Variants in CELF2 observed in about 807,000 individuals in gnomAD.
CELF2 encodes the protein CUG triplet repeat RNA-binding protein 2.
CELF2 carries 8 observed loss-of-function variants against 62.6 expected under a neutral mutation model. That is an observed-to-expected ratio of 0.13 (90% confidence interval 0.07 to 0.23). The LOEUF (loss-of-function observed/expected upper bound fraction) is 0.23. Ranked by LOEUF, CELF2 falls within the 10% of genes least tolerant of loss-of-function variation. The pLI, the probability that CELF2 is intolerant of heterozygous loss-of-function variation, is 1.00. For synonymous variants in CELF2, 258 were observed against 250.0 expected, an observed-to-expected ratio of 1.03 and a Z score of -0.30; for missense variants, 333 against 671.0, an observed-to-expected ratio of 0.50 and a Z score of 5.56.
the CELF2 span, among the ~76,000 whole-genome samples, chr10:10,492,122 G>C: frequency 2.0e-5 from 3 of 152,098 alleles, no homozygotes; most frequent in East Asian, 1.9e-4. Context: ...GGTGATGCCA[G>C]ATCACCAACA....
chr10:10,742,292 T>C, the CELF2 span, among the ~76,000 whole-genome samples: 2 of 152,180 alleles, frequency 1.3e-5, no homozygotes, highest in East Asian at 1.9e-4. Flanking sequence ...ACTTACTGTA[T>C]AGTCAAATTT....
At chr10:10,884,447 A>G (rs1184505848) in intron 1 of CELF2, among the ~76,000 whole-genome samples, 3 of 152,236 alleles carry the variant, frequency 2.0e-5, no homozygotes, top group Non-Finnish European at 4.4e-5. Flanking sequence ...AGGTCAAAGT[A>G]TGAGTTCACA....
At chr10:11,204,519 G>A (rs2059983724) in intron 2 of CELF2, among the ~76,000 whole-genome samples, 1 of 152,244 alleles carries the variant, frequency 6.6e-6, no homozygotes, top group Non-Finnish European at 1.5e-5. Flanking sequence ...GGAACCTCCG[G>A]TGCCTGGCAC....
the CELF2 span, among the ~76,000 whole-genome samples, chr10:10,713,558 A>G: frequency 6.6e-6 from 1 of 152,162 alleles, no homozygotes; most frequent in African/African-American, 2.4e-5. Flanking sequence ...ATCACCTACG[A>G]CCCTTCGGTG....
intron 1 of CELF2, among the ~76,000 whole-genome samples, chr10:11,154,030 A>G (rs1223129379): frequency 6.6e-6 from 1 of 152,224 alleles, no homozygotes; most frequent in African/African-American, 2.4e-5. Context: ...ACAGATATAT[A>G]AACACATGAT....
chr10:11,239,902 A>G (rs1041390007), intron 3 of CELF2, among the ~76,000 whole-genome samples: 1 of 152,142 alleles, frequency 6.6e-6, no homozygotes, highest in Non-Finnish European at 1.5e-5. Context: ...AAAATACAAA[A>G]AATTAGCCAG....
chr10:11,003,591 C>T (rs1564343501), upstream of CELF2, among the ~76,000 whole-genome samples: 1 of 152,112 alleles, frequency 6.6e-6, no homozygotes, highest in Non-Finnish European at 1.5e-5. The surrounding 1 kb of genome is among the most constrained non-coding windows in gnomAD (Gnocchi z 4.4). Flanking sequence ...TTGTTGCCCC[C>T]ATTTAACCGC....
chr10:11,070,708 C>T (rs953299705), intron 1 of CELF2, among the ~76,000 whole-genome samples: 3 of 152,056 alleles, frequency 2.0e-5, no homozygotes, highest in Non-Finnish European at 4.4e-5. Context: ...AGACGATGAG[C>T]TTGTGAAGGA....
chr10:10,774,561 G>T, the CELF2 span, among the ~76,000 whole-genome samples: 10 of 152,318 alleles, frequency 6.6e-5, 2 homozygotes, highest in East Asian at 1.9e-3. Context: ...TCTCGCTCCT[G>T]CCATGTGAGA....
chr10:10,794,092 G>A (rs2054002460), upstream of CELF2, among the ~76,000 whole-genome samples: 1 of 151,986 alleles, frequency 6.6e-6, no homozygotes, highest in Admixed American at 6.5e-5. Flanking sequence ...ATTTTATCTT[G>A]GAACCCTTGA....
intron 4 of CELF2, among the ~76,000 whole-genome samples, chr10:11,256,392 A>G (rs952689012): frequency 4.6e-5 from 7 of 152,186 alleles, no homozygotes; most frequent in Admixed American, 2.0e-4. Flanking sequence ...CTATTCGCTA[A>G]ATGAAAATGA....
the CELF2 span, among the ~76,000 whole-genome samples, chr10:10,481,019 C>T: frequency 5.3e-5 from 8 of 152,034 alleles, no homozygotes; most frequent in African/African-American, 1.9e-4. Context: ...GCCGAGATCG[C>T]ACCATTGAAC....
the CELF2 span, among the ~76,000 whole-genome samples, chr10:10,728,622 G>T: frequency 3.3e-5 from 5 of 152,068 alleles, no homozygotes; most frequent in African/African-American, 1.2e-4. Flanking sequence ...ATAGGAGAGG[G>T]TGGGGGACAG....
intron 2 of CELF2, among the ~76,000 whole-genome samples, chr10:10,937,126 T>C (rs1463322141): frequency 1.4e-5 from 2 of 138,404 alleles, no homozygotes; most frequent in Non-Finnish European, 3.1e-5. Context: ...CTTTTCTTTT[T>C]TTTTTTTTTT....
chr10:10,555,580 A>G, the CELF2 span, among the ~76,000 whole-genome samples: 1 of 152,212 alleles, frequency 6.6e-6, no homozygotes, highest in African/African-American at 2.4e-5. Context: ...CATAACCTAT[A>G]CATTAACATT....
chr10:11,119,645 CAAA>C (rs1220450931), intron 1 of CELF2, among the ~76,000 whole-genome samples: 6 of 151,934 alleles, frequency 3.9e-5, no homozygotes, highest in Non-Finnish European at 8.8e-5. Context: ...TTTTAAAAAT[CAAA>C]AACCCTAGGA....
intron 1 of CELF2, among the ~76,000 whole-genome samples, chr10:11,122,033 C>T (rs10490953): frequency 6.6e-6 from 1 of 152,168 alleles, no homozygotes; most frequent in Non-Finnish European, 1.5e-5. Flanking sequence ...CTGGAACGCT[C>T]CACACCCAGG....
chr10:11,191,878 C>T lies in CELF2; in HGVS notation c.272-25547C>T, dbSNP rs1032925777. On this transcript the variant is annotated intron_variant, in intron 2 of 12. Transcript: ENST00000633077. The surrounding 1 kb of genome is among the most constrained non-coding windows in gnomAD (Gnocchi z 4.1). ...CTGTTTATCCCAAGCCTGTTTTCCA[C>T]CCTCCCTGCCCTCCCATGCAGAGGC... Among the ~76,000 whole-genome samples, 3 of 152,156 alleles carry T rather than the reference C, an allele frequency of 2.0e-5. No homozygotes were observed. The highest frequency in any genetic ancestry group is 2.1e-4 in the South Asian group (1 of 4,824).
rs184206576 is a variant in CELF2, at chr10:10,961,458, T to C, written c.89+41459T>C. Among the ~76,000 whole-genome samples, 605 of 152,320 alleles carry C rather than the reference T, an allele frequency of 4.0e-3. 3 individuals carry two copies. The highest frequency in any genetic ancestry group is 0.014 in the Middle Eastern group (4 of 294). On this transcript the variant is annotated intron_variant, in intron 2 of 13. Transcript: ENST00000636488. ...ACGGAAGATTTTGTTTAAAAAATGTTTGTAGGCCAGGTGCGGTGGCTTACA... is the reference window on the plus strand; with the variant it reads ...ACGGAAGATTTTGTTTAAAAAATGTCTGTAGGCCAGGTGCGGTGGCTTACA...
Sources: allele counts gnomAD v4.1 joint callset (sites outside exome capture counted in the v4.1 genomes callset), GRCh38; gene constraint gnomAD v4.1.1; non-coding constraint Gnocchi (gnomAD v3.1); transcripts MANE v1.5; gene names NCBI Gene and HGNC (gene_info 2026-07-23, HGNC 2026-07-21).